OR4N5: variants seen among roughly 807,000 people sequenced by gnomAD.
OR4N5 encodes olfactory receptor family 4 subfamily N member 5, also known as olfactory receptor 4N5.
For missense variants in OR4N5, 428 were observed against 370.0 expected, an observed-to-expected ratio of 1.16 and a Z score of -1.29; for synonymous variants, 155 against 140.6, an observed-to-expected ratio of 1.10 and a Z score of -0.72.
chr14:20,139,854 GCAAGGTAAAATAATTCT>G (rs1169467378), intron 1 of OR4N5, among the ~76,000 whole-genome samples: 2 of 152,090 alleles, frequency 1.3e-5, no homozygotes, highest in Non-Finnish European at 2.9e-5. Context: ...TGGTAACTCA[GCAAGGTAAAATAATTCT>G]CAAACCAGAG....
intron 2 of OR4N5, among the ~76,000 whole-genome samples, chr14:20,141,741 C>CA (rs911493501): frequency 2.7e-5 from 4 of 150,718 alleles, no homozygotes; most frequent in African/African-American, 4.9e-5. Context: ...AGCACTGCTT[C>CA]AAAAAAAAAG....
chr14:20,141,320 A>C (rs1311658990), intron 2 of OR4N5, 109 bp downstream of exon 2: 1 of 152,226 alleles, frequency 6.6e-6, no homozygotes, highest in African/African-American at 2.4e-5. Context: ...GGTAAAAAAG[A>C]AACAGAAATG....
rs1306211538 is a variant in OR4N5 at position 20,145,415 on chromosome 14, T to C, written c.*753T>C. 1 of 152,170 alleles carries C rather than the reference T, an allele frequency of 6.6e-6. No homozygotes were observed. The highest frequency in any genetic ancestry group is 2.4e-5 in the African/African-American group (1 of 41,446). The allele number at this position is 152,170 out of a possible 1,614,324, so 9.4% of individuals were successfully genotyped here. On this transcript the variant is annotated 3_prime_UTR_variant, in exon 3 of 3. Transcript: ENST00000641086. Reference sequence around the variant, plus strand: ...AGAACTATGAGTAGTAAAATATCATTAAGTGGAAAGTGCGTGCTGCTAAGT... The same window carrying C: ...AGAACTATGAGTAGTAAAATATCATCAAGTGGAAAGTGCGTGCTGCTAAGT...
chr14:20,144,091 C>T lies in OR4N5; in HGVS notation c.356C>T (p.Ala119Val), dbSNP rs376952188. 33 of 1,614,098 alleles carry T rather than the reference C, an allele frequency of 2.0e-5. No homozygotes were observed. In the African/African-American group the frequency reaches 2.9e-4, roughly 14 times the overall value. The change falls in exon 3 of 3, where the codon GCC becomes GTC. Residue 119 changes from alanine to valine, a missense_variant. Transcript: ENST00000641086. ...AGEMFLLVVM[A>V]FDRYIAICRP... Reference sequence around the variant, plus strand: ...GAGATGTTCCTCCTCGTTGTGATGGCCTTTGACCGCTACATCGCCATCTGC... The same window carrying T: ...GAGATGTTCCTCCTCGTTGTGATGGTCTTTGACCGCTACATCGCCATCTGC...
Position 20,144,392 on chromosome 14 carries a change from A to C in OR4N5, c.657A>C (p.Ala219=). The C allele has an allele frequency of 8.7e-6, 14 of 1,613,976 alleles. No homozygotes were observed. The highest frequency in any genetic ancestry group is 1.2e-5 in the Non-Finnish European group (14 of 1,179,988). The change falls in exon 3 of 3, where the codon GCA becomes GCC. Residue 219 remains alanine, a synonymous_variant. Transcript: ENST00000641086. ...LCFLGLLASY[A]VILCRIREHS... The stretch of plus-strand genomic sequence containing the variant: ...TCCTGGGCCTTCTGGCCTCCTATGC[A>C]GTCATCCTCTGTCGTATAAGGGAGC...
rs1045849408 is a variant in OR4N5, at chr14:20,140,932, A to G, written c.-291A>G. ...GTACAGAGGAATGCCCATCTAATGC[A>G]TATGTGTCCTCCATCTCTGTGACAA... On this transcript the variant is annotated 5_prime_UTR_variant, in exon 2 of 3. Transcript: ENST00000641086. The G allele has an allele frequency of 1.3e-5, 2 of 151,966 alleles. No individual in the cohort carries two copies. The highest frequency in any genetic ancestry group is 4.8e-5 in the African/African-American group (2 of 41,366). The allele number at this position is 151,966 out of a possible 1,614,324, so 9.4% of individuals were successfully genotyped here.
At chr14:20,141,820 G>A (rs1946429978) in intron 2 of OR4N5, among the ~76,000 whole-genome samples, 1 of 152,114 alleles carries the variant, frequency 6.6e-6, no homozygotes, top group Admixed American at 6.6e-5. Context: ...ATGGTTTTAA[G>A]TATGTTTACA....
Position 20,144,755 on chromosome 14 carries a change from G to C in OR4N5, c.*93G>C. On this transcript the variant is annotated 3_prime_UTR_variant, in exon 3 of 3. Coordinates refer to ENST00000641086, the MANE Select transcript of OR4N5 (RefSeq NM_001004724.2). ...ATGCATTGAATCAGTCAGTCATTTA[G>C]CAAGTATTATAATTATTAAGTACTT... The C allele has an allele frequency of 2.6e-6, 2 of 778,944 alleles. No homozygotes were observed. The highest frequency in any genetic ancestry group is 4.1e-6 in the Non-Finnish European group (2 of 483,986). 48.3% of individuals were successfully genotyped at this position (778,944 alleles called of 1,614,324 possible). A position where few individuals can be genotyped will look rare whatever the true frequency, so the allele number is the denominator to read the frequency against.
At chr14:20,141,417 A>G (rs955173860) in intron 2 of OR4N5, among the ~76,000 whole-genome samples, 3 of 152,232 alleles carry the variant, frequency 2.0e-5, no homozygotes, top group Non-Finnish European at 4.4e-5. Flanking sequence ...ACAAGTGTGA[A>G]TATGTATTTG....
At chr14:20,143,292 G>A (rs1384798382) in intron 2 of OR4N5, among the ~76,000 whole-genome samples, 1 of 152,164 alleles carries the variant, frequency 6.6e-6, no homozygotes, top group Non-Finnish European at 1.5e-5. Context: ...AACTGTGAAA[G>A]CACTTTATTC....
intron 2 of OR4N5, among the ~76,000 whole-genome samples, chr14:20,143,191 G>A (rs908142923): frequency 5.9e-5 from 9 of 152,174 alleles, no homozygotes; most frequent in Non-Finnish European, 1.2e-4. Flanking sequence ...GCACAACAAT[G>A]TGATGGGAAT....
At chr14:20,141,599 A>T (rs1878616884) in intron 2 of OR4N5, among the ~76,000 whole-genome samples, 1 of 152,118 alleles carries the variant, frequency 6.6e-6, no homozygotes, top group South Asian at 2.1e-4. Context: ...ACGGATTTTT[A>T]AGGCTGATTT....
Position 20,144,298 on chromosome 14 carries a change from C to T in OR4N5, c.563C>T (p.Ala188Val), listed in dbSNP as rs752532030. Reference sequence around the variant, plus strand: ...GATGTTCCACAGGTCATCAAGCTGGCCTGCACCAATACCTTTGTGGTGGAG... The same window carrying T: ...GATGTTCCACAGGTCATCAAGCTGGTCTGCACCAATACCTTTGTGGTGGAG... ...FCDVPQVIKL[A>V]CTNTFVVELL... is the part of the protein sequence containing the mutation. Residue 188 changes from alanine to valine, a missense_variant, in exon 3 of 3, where the codon GCC becomes GTC. Coordinates refer to ENST00000641086, the MANE Select transcript of OR4N5 (RefSeq NM_001004724.2). 1.9e-6 allele frequency: 3 copies of T among 1,613,934 alleles called. No individual in the cohort carries two copies. The highest frequency in any genetic ancestry group is 1.3e-5 in the African/African-American group (1 of 74,926).
chr14:20,140,082 G>T (rs1878586958), intron 1 of OR4N5, among the ~76,000 whole-genome samples: 2 of 152,186 alleles, frequency 1.3e-5, no homozygotes, highest in East Asian at 3.8e-4. Context: ...TCATTGGAAT[G>T]AAATACATAG....
intron 1 of OR4N5, among the ~76,000 whole-genome samples, chr14:20,140,629 G>A (rs145497076): frequency 0.015 from 2,225 of 152,274 alleles, 28 homozygotes; most frequent in Middle Eastern, 0.051. Context: ...GGGACAGTAT[G>A]GGGACCCTCT....
In OR4N5 at chr14:20,144,796, T is replaced by C; in HGVS notation, c.*134T>C. On this transcript the variant is annotated 3_prime_UTR_variant, in exon 3 of 3. Coordinates refer to ENST00000641086, the MANE Select transcript of OR4N5 (RefSeq NM_001004724.2). The stretch of plus-strand genomic sequence containing the variant: ...TTAAGTACTTCCCATTTTCAGGCAC[T>C]ATTCCAGGCATATGAATGAGACAGG... The C allele has an allele frequency of 1.6e-6, 1 of 625,052 alleles. No homozygotes were observed. The highest frequency in any genetic ancestry group is 2.8e-6 in the Non-Finnish European group (1 of 360,094). The allele number at this position is 625,052 out of a possible 1,614,324, so 38.7% of individuals were successfully genotyped here.
At chr14:20,139,239 C>T (rs940953354) in intron 1 of OR4N5, among the ~76,000 whole-genome samples, 19 of 152,004 alleles carry the variant, frequency 1.2e-4, no homozygotes, top group Non-Finnish European at 7.4e-5. Flanking sequence ...CATCTTTATC[C>T]TAAACCAAAG....
rs1878669260 is a variant in OR4N5, at chr14:20,143,916, T to C, written c.181T>C (p.Phe61Leu). The change falls in exon 3 of 3, where the codon TTC becomes CTC. Residue 61 changes from phenylalanine (F) to leucine (L), a missense_variant. Physicochemically the swap from Phe to Leu is conservative, Grantham distance 22. Coordinates refer to ENST00000641086, the MANE Select transcript of OR4N5 (RefSeq NM_001004724.2). ...CCCTGGGCTCACAGCCCCCCTCTAT[T>C]TCTTTCTGGGCAACTTGGCCTTACT... ...SDPGLTAPLY[F>L]FLGNLALLDA... 1 of 1,614,064 alleles carries C rather than the reference T, an allele frequency of 6.2e-7. No homozygotes were observed. Among genetic ancestry groups the C allele is most frequent in the African/African-American group, 1.3e-5 (1 of 75,032 alleles).
intron 1 of OR4N5, among the ~76,000 whole-genome samples, chr14:20,139,928 G>T (rs187533882): frequency 6.6e-6 from 1 of 152,238 alleles, no homozygotes; most frequent in East Asian, 1.9e-4. Flanking sequence ...TTATCAAGAT[G>T]AGTTAAAAAC....
Sources: gnomAD v4.1 joint callset for allele counts (sites outside exome capture counted in the v4.1 genomes callset) on GRCh38, gnomAD v4.1.1 for gene constraint, MANE v1.5 for transcripts, NCBI Gene and HGNC (gene_info 2026-07-23, HGNC 2026-07-21) for gene names.